Variants in CDC42BPA observed in about 807,000 individuals in gnomAD.
CDC42BPA encodes serine/threonine-protein kinase MRCK alpha.
Under a neutral mutation model 223.5 loss-of-function variants are expected in CDC42BPA, and 80 were observed. That is an observed-to-expected ratio of 0.36 (90% CI 0.30 to 0.43). The LOEUF (loss-of-function observed/expected upper bound fraction) is 0.43, where lower values mean the gene tolerates loss of function less well. Among genes scored for constraint, CDC42BPA ranks in the 20% least tolerant of loss-of-function variants. The probability of loss-of-function intolerance (pLI) is 1.00; values close to 1 mark genes in which losing one functional copy is unlikely to be tolerated. For missense variants in CDC42BPA, 1,743 were observed against 2,099.9 expected, an observed-to-expected ratio of 0.83 and a Z score of 3.32; for synonymous variants, 694 against 718.6, an observed-to-expected ratio of 0.97 and a Z score of 0.55.
intron 5 of CDC42BPA, among the ~76,000 whole-genome samples, chr1:227,164,359 C>G (rs1664642329): frequency 6.6e-6 from 1 of 152,152 alleles, no homozygotes; most frequent in Non-Finnish European, 1.5e-5. Context: ...CTGAAGAGAA[C>G]TGACATCTTT....
chr1:227,044,315 T>C (rs1350806952), intron 23 of CDC42BPA, among the ~76,000 whole-genome samples: 1 of 152,224 alleles, frequency 6.6e-6, no homozygotes, highest in Non-Finnish European at 1.5e-5. Context: ...ATGCTTTCAC[T>C]GTAAAAGCAT....
chr1:227,018,195 T>G (rs1231299876), intron 32 of CDC42BPA, among the ~76,000 whole-genome samples: 1 of 151,988 alleles, frequency 6.6e-6, no homozygotes, highest in Admixed American at 6.6e-5. Flanking sequence ...TACAGGCACA[T>G]GCGCCACCAT....
At chr1:227,261,579 G>A (rs963265558) in intron 1 of CDC42BPA, among the ~76,000 whole-genome samples, 2 of 144,364 alleles carry the variant, frequency 1.4e-5, no homozygotes, top group Non-Finnish European at 2.9e-5. Context: ...ACTAATGAAG[G>A]AGAAGAAAGG....
intron 1 of CDC42BPA, among the ~76,000 whole-genome samples, chr1:227,288,963 C>T (rs1432335974): frequency 1.3e-5 from 2 of 152,050 alleles, no homozygotes; most frequent in Non-Finnish European, 2.9e-5. Flanking sequence ...CATTGTACTC[C>T]AGCCTGGGCA....
chr1:227,011,984 T>G (rs1438579745), intron 34 of CDC42BPA, among the ~76,000 whole-genome samples: 2 of 152,184 alleles, frequency 1.3e-5, no homozygotes, highest in East Asian at 3.9e-4. Flanking sequence ...TGAACCTGCT[T>G]TGTAAAAAGA....
intron 2 of CDC42BPA, among the ~76,000 whole-genome samples, chr1:227,231,768 T>C (rs1572516094): frequency 6.6e-6 from 1 of 152,186 alleles, no homozygotes; most frequent in Admixed American, 6.5e-5. Flanking sequence ...GTCTGTTGGC[T>C]GCATAAATGT....
intron 21 of CDC42BPA, among the ~76,000 whole-genome samples, chr1:227,052,407 T>G (rs1227416294): frequency 6.6e-6 from 1 of 152,200 alleles, no homozygotes; most frequent in Non-Finnish European, 1.5e-5. Context: ...CTTTTACTAC[T>G]CATTAACTGA....
chr1:227,267,867 T>C (rs947791804), intron 1 of CDC42BPA, among the ~76,000 whole-genome samples: 1 of 151,758 alleles, frequency 6.6e-6, no homozygotes, highest in African/African-American at 2.4e-5. Context: ...TACGAGGGGG[T>C]AACAATTCGA....
intron 1 of CDC42BPA, among the ~76,000 whole-genome samples, chr1:227,265,429 C>A (rs190604237): frequency 6.6e-6 from 1 of 151,894 alleles, no homozygotes; most frequent in African/African-American, 2.4e-5. Context: ...AAAATTAGGC[C>A]GGGCACAGTA....
rs534903648 is a variant in CDC42BPA, at chr1:227,207,137, G to C, written c.354+5999C>G. Among the ~76,000 whole-genome samples the C allele has an allele frequency of 2.9e-4, 36 of 124,248 alleles. No homozygotes were observed. The South Asian group carries it at 8.6e-3, about 30-fold the overall frequency. The allele number at this position is 124,248 out of a possible 152,430, so 81.5% of individuals were successfully genotyped here. ...GTGATGTTCCCCTTCCTGTGTCCAT[G>C]TGTTCTCATTGTTCAATTCCCACCT... On this transcript the variant is annotated intron_variant, in intron 3 of 36. Transcript: ENST00000366766.
chr1:227,301,931 T>A (rs1289987872), intron 1 of CDC42BPA, among the ~76,000 whole-genome samples: 4 of 152,188 alleles, frequency 2.6e-5, no homozygotes, highest in African/African-American at 7.2e-5. Context: ...CTATTTTTCT[T>A]ATTGTTTTCT....
chr1:227,237,870 T>G (rs1679347959), intron 2 of CDC42BPA, among the ~76,000 whole-genome samples: 2 of 151,300 alleles, frequency 1.3e-5, no homozygotes, highest in Non-Finnish European at 2.9e-5. Flanking sequence ...AGAAACCCTG[T>G]CTCTACTAAG....
intron 15 of CDC42BPA, among the ~76,000 whole-genome samples, chr1:227,093,698 T>C (rs1041799015): frequency 6.6e-6 from 1 of 152,206 alleles, no homozygotes; most frequent in Non-Finnish European, 1.5e-5. Context: ...CTGATTTTTC[T>C]TTAAAAACCT....
intron 1 of CDC42BPA, among the ~76,000 whole-genome samples, chr1:227,283,346 T>C (rs564374914): frequency 2.0e-5 from 3 of 152,234 alleles, no homozygotes; most frequent in Admixed American, 6.5e-5. Flanking sequence ...GTGAAAAGTA[T>C]TGACCCACCA....
At chr1:226,996,096 C>T (rs1157942813) in intron 35 of CDC42BPA, among the ~76,000 whole-genome samples, 3 of 152,360 alleles carry the variant, frequency 2.0e-5, no homozygotes, top group Admixed American at 2.0e-4. Context: ...CTTCCACCTC[C>T]CTTCCTCAGC....
intron 18 of CDC42BPA, 120 bp downstream of exon 18, chr1:227,074,139 A>C (rs1678983219): frequency 2.2e-6 from 3 of 1,353,536 alleles, no homozygotes; most frequent in Non-Finnish European, 3.1e-6. Context: ...TCTCATAAAA[A>C]ACTCTTTAGT....
At chr1:227,266,913 A>C (rs538425735) in intron 1 of CDC42BPA, among the ~76,000 whole-genome samples, 1 of 152,210 alleles carries the variant, frequency 6.6e-6, no homozygotes, top group Admixed American at 6.5e-5. Flanking sequence ...GTTGGCCCTT[A>C]AATACTCAAA....
intron 2 of CDC42BPA, chr1:227,235,238 T>C (rs1489495032): frequency 6.6e-6 from 1 of 152,206 alleles, no homozygotes; most frequent in African/African-American, 2.4e-5. Context: ...TGTCAATTCC[T>C]AGAAAACTGA....
chr1:227,184,391 GT>G lies in CDC42BPA; in HGVS notation c.599+9394del, dbSNP rs111493441. 1.7e-3 allele frequency among the ~76,000 whole-genome samples: 251 copies of G among 146,992 alleles called. 1 individual carries two copies. The highest frequency in any genetic ancestry group is 7.1e-3 in the Middle Eastern group (2 of 280). On this transcript the variant is annotated intron_variant, in intron 5 of 36. Coordinates refer to ENST00000366766, the MANE Select transcript of CDC42BPA (RefSeq NM_001394014.1). The stretch of plus-strand genomic sequence containing the variant: ...GAGAGCTTTGGGGAAGTTATTTGGG[GT>G]TTTTTTTTTGGTCTCTTATTTGAGC...
Sources: allele counts gnomAD v4.1 joint callset (sites outside exome capture counted in the v4.1 genomes callset), GRCh38; gene constraint gnomAD v4.1.1; transcripts MANE v1.5; gene names NCBI Gene and HGNC (gene_info 2026-07-23, HGNC 2026-07-21).